Variants in GPC6 observed in about 807,000 individuals in gnomAD.
GPC6 encodes glypican 6, also known as glypican-6.
A neutral mutation model predicts 55.2 loss-of-function variants in GPC6; 14 were observed. That is an observed-to-expected ratio of 0.25 (90% CI 0.17 to 0.40). The LOEUF is 0.40. GPC6 is among the 10% of genes least tolerant of loss of function. The pLI, the probability that GPC6 is intolerant of heterozygous loss-of-function variation, is 1.00. For missense variants in GPC6, 641 were observed against 708.5 expected (o/e 0.90, Z 1.08); for synonymous variants, 278 against 259.6 (o/e 1.07, Z -0.68).
intron 1 of GPC6, among the ~76,000 whole-genome samples, chr13:93,444,195 C>CTTCTTTTTTTTTTTTTTTTTTTTTTTT (rs755978023): frequency 9.0e-6 from 1 of 110,706 alleles, no homozygotes; most frequent in Non-Finnish European, 1.9e-5. Context: ...TGCAATTCTT[C>CTTCTTTTTTTTTTTTTTTTTTTTTTTT]TTTTTTTTTT....
At chr13:93,796,160 C>T (rs765403941) in intron 2 of GPC6, among the ~76,000 whole-genome samples, 3 of 151,870 alleles carry the variant, frequency 2.0e-5, no homozygotes, top group Non-Finnish European at 2.9e-5. Context: ...TGCACCACTG[C>T]ACTCCAGCCT....
At chr13:93,801,927 C>T (rs1886385236) in intron 2 of GPC6, among the ~76,000 whole-genome samples, 1 of 152,088 alleles carries the variant, frequency 6.6e-6, no homozygotes, top group Non-Finnish European at 1.5e-5. Flanking sequence ...TTCATTCTTC[C>T]TGTTAATGTT....
intron 1 of GPC6, among the ~76,000 whole-genome samples, chr13:93,286,227 A>C (rs1878119660): frequency 2.0e-5 from 3 of 152,148 alleles, no homozygotes. Context: ...CCTCTTATAA[A>C]ACCATCAGAT....
intron 1 of GPC6, among the ~76,000 whole-genome samples, chr13:93,454,772 C>A (rs1878372592): frequency 6.6e-6 from 1 of 152,240 alleles, no homozygotes; most frequent in Non-Finnish European, 1.5e-5. Context: ...CTGCCAGTCC[C>A]GCGCCCTGCG....
rs767978319 is a variant in GPC6, at chr13:94,178,025, A to ATTT, written c.878-108315_878-108313dup. ...ATCATTCTTTTTCAGTGGCCTTTTA[A>ATTT]TTTTTTTTTTTGAGATGGAGTCTCA... On this transcript the variant is annotated intron_variant, in intron 4 of 8. Transcript: ENST00000377047. Among the ~76,000 whole-genome samples, 110 of 132,992 alleles carry ATTT rather than the reference A, an allele frequency of 8.3e-4. 7 individuals are homozygous for ATTT. Among genetic ancestry groups the ATTT allele is most frequent in the African/African-American group, 2.5e-3 (78 of 31,578 alleles). 87.2% of individuals were successfully genotyped at this position (132,992 alleles called of 152,430 possible).
intron 1 of GPC6, among the ~76,000 whole-genome samples, chr13:93,459,788 T>G (rs1329793412): frequency 6.6e-5 from 10 of 152,194 alleles, no homozygotes; most frequent in Non-Finnish European, 1.2e-4. Context: ...GTTCAAGCTT[T>G]AGCTTTATAA....
At chr13:93,641,270 T>A (rs1879924022) in intron 2 of GPC6, among the ~76,000 whole-genome samples, 1 of 74,168 alleles carries the variant, frequency 1.3e-5, no homozygotes, top group African/African-American at 3.8e-5. Flanking sequence ...AGCCATCATA[T>A]ACACTTAATG....
At chr13:93,243,900 G>A (rs1876518310) in intron 1 of GPC6, among the ~76,000 whole-genome samples, 1 of 152,096 alleles carries the variant, frequency 6.6e-6, no homozygotes. Context: ...GGTGGCCATG[G>A]GATGCTTGGC....
At chr13:93,402,955 TA>T (rs927179566) in intron 1 of GPC6, among the ~76,000 whole-genome samples, 6 of 152,114 alleles carry the variant, frequency 3.9e-5, no homozygotes, top group Non-Finnish European at 8.8e-5. Flanking sequence ...ATAATTTTTT[TA>T]AAAAAATTAT....
At chr13:93,511,211 C>T (rs1375765721) in intron 1 of GPC6, among the ~76,000 whole-genome samples, 2 of 150,592 alleles carry the variant, frequency 1.3e-5, no homozygotes, top group African/African-American at 2.4e-5. Flanking sequence ...TCCCTTTTGT[C>T]TCCTAGATTT....
intron 4 of GPC6, among the ~76,000 whole-genome samples, chr13:94,227,836 C>T (rs201064321): frequency 2.0e-5 from 3 of 152,044 alleles, no homozygotes; most frequent in Non-Finnish European, 4.4e-5. Context: ...TGCCAATCAC[C>T]GAGGTAGAAA....
intron 1 of GPC6, among the ~76,000 whole-genome samples, chr13:93,304,234 A>G (rs1287993777): frequency 2.0e-5 from 3 of 152,092 alleles, no homozygotes; most frequent in African/African-American, 7.2e-5. Flanking sequence ...GTTTGTTGGG[A>G]TTTTGCAGGA....
At chr13:94,365,052 A>G (rs1374000230) in intron 6 of GPC6, among the ~76,000 whole-genome samples, 1 of 152,192 alleles carries the variant, frequency 6.6e-6, no homozygotes, top group Admixed American at 6.5e-5. Flanking sequence ...TGGGACACAC[A>G]TCTGCTAGGA....
At chr13:94,185,057 G>GT (rs775558093) in intron 4 of GPC6, among the ~76,000 whole-genome samples, 9 of 152,036 alleles carry the variant, frequency 5.9e-5, no homozygotes, top group Non-Finnish European at 1.0e-4. Context: ...ACCAAATGCC[G>GT]TATGTTCTCA....
chr13:93,507,095 G>A (rs952365388), intron 1 of GPC6, among the ~76,000 whole-genome samples: 2 of 143,066 alleles, frequency 1.4e-5, no homozygotes, highest in South Asian at 4.6e-4. Context: ...AAAAAAGCCC[G>A]GAGTATATTC....
intron 6 of GPC6, among the ~76,000 whole-genome samples, chr13:94,345,496 G>C (rs1594190864): frequency 6.6e-6 from 1 of 152,232 alleles, no homozygotes; most frequent in East Asian, 1.9e-4. Context: ...CTTTTATTTA[G>C]GGCTCCTCAG....
At chr13:93,933,274 C>T (rs1878275389) in intron 3 of GPC6, among the ~76,000 whole-genome samples, 1 of 152,048 alleles carries the variant, frequency 6.6e-6, no homozygotes, top group African/African-American at 2.4e-5. Context: ...CATGGAGGTC[C>T]TACTGGCGTC....
chr13:93,542,697 T>C (rs568372721), intron 1 of GPC6, among the ~76,000 whole-genome samples: 5,370 of 152,214 alleles, frequency 0.035, 150 homozygotes, highest in Middle Eastern at 0.058. Context: ...TCTTTTATTT[T>C]ATTGAGCAGT....
intron 4 of GPC6, among the ~76,000 whole-genome samples, chr13:94,173,816 C>T (rs957546380): frequency 6.6e-6 from 1 of 152,118 alleles, no homozygotes; most frequent in African/African-American, 2.4e-5. Flanking sequence ...ACTTAGAAAG[C>T]TCATGTACTT....
Sources: gnomAD v4.1 joint callset for allele counts (sites outside exome capture counted in the v4.1 genomes callset) on GRCh38, gnomAD v4.1.1 for gene constraint, MANE v1.5 for transcripts, NCBI Gene and HGNC (gene_info 2026-07-23, HGNC 2026-07-21) for gene names.